AP3B1: variants seen among roughly 807,000 people sequenced by gnomAD.
The protein encoded by AP3B1 is adaptor related protein complex 3 subunit beta 1.
A neutral mutation model predicts 132.5 loss-of-function variants in AP3B1; 61 were observed. That is an observed-to-expected ratio of 0.46 (90% CI 0.37 to 0.57). The LOEUF (loss-of-function observed/expected upper bound fraction) is 0.57. Ranked by LOEUF, AP3B1 falls within the 20% of genes least tolerant of loss-of-function variation. AP3B1 has a pLI of 0.00. For synonymous variants in AP3B1, 388 were observed against 438.3 expected (o/e 0.89, Z 1.43); for missense variants, 1,120 against 1,289.4 (o/e 0.87, Z 2.01).
chr5:78,233,948 G>A (rs887071807), intron 3 of AP3B1, among the ~76,000 whole-genome samples: 1 of 151,916 alleles, frequency 6.6e-6, no homozygotes, highest in Non-Finnish European at 1.5e-5. Context: ...AAGAGCATCT[G>A]AAAACCTAGG....
intron 7 of AP3B1, among the ~76,000 whole-genome samples, chr5:78,189,177 T>C (rs992315278): frequency 1.3e-5 from 2 of 152,104 alleles, no homozygotes; most frequent in Non-Finnish European, 2.9e-5. Context: ...ATGGCACACG[T>C]TTACCTATGT....
chr5:78,061,672 C>T (rs530807471), intron 22 of AP3B1, among the ~76,000 whole-genome samples: 10 of 152,338 alleles, frequency 6.6e-5, no homozygotes, highest in South Asian at 2.1e-4. Flanking sequence ...GCACTGTCAG[C>T]GCGCAAGGCT....
chr5:78,294,439 C>T lies in AP3B1; in HGVS notation c.128+13G>A. ...CTCCCTCCCATCCCCGCAACCCAAA[C>T]CTTTCTCCTCACTTCTTCAAATCGC... On this transcript the variant is annotated intron_variant, in intron 1 of 26. Transcript: ENST00000255194. 6.2e-7 allele frequency: 1 copy of T among 1,614,138 alleles called. No individual in the cohort carries two copies. Among genetic ancestry groups the T allele is most frequent in the Non-Finnish European group, 8.5e-7 (1 of 1,180,032 alleles).
intron 7 of AP3B1, among the ~76,000 whole-genome samples, chr5:78,194,527 A>G (rs182269691): frequency 3.3e-5 from 5 of 152,282 alleles, no homozygotes; most frequent in Admixed American, 3.3e-4. Context: ...GCTCCAATAT[A>G]ATACTATTAC....
At chr5:78,240,253 T>C (rs1241136588) in intron 3 of AP3B1, among the ~76,000 whole-genome samples, 2 of 152,222 alleles carry the variant, frequency 1.3e-5, no homozygotes, top group Non-Finnish European at 2.9e-5. Flanking sequence ...AGCTTTAAAC[T>C]GAGAAAAATT....
At chr5:78,129,386 G>T in intron 15 of AP3B1, 79 bp from the exon 16 acceptor site, 1 of 1,225,948 alleles carries the variant, frequency 8.2e-7, no homozygotes, top group Non-Finnish European at 1.2e-6. Context: ...TATTTAAAGA[G>T]GTAATAAAAA....
At chr5:78,280,240 A>G (rs990259594) in intron 1 of AP3B1, among the ~76,000 whole-genome samples, 13 of 152,118 alleles carry the variant, frequency 8.5e-5, no homozygotes, top group African/African-American at 2.9e-4. Context: ...TGATCACTAG[A>G]ATCATAGTAA....
chr5:78,101,599 C>T (rs1165821750), intron 20 of AP3B1, among the ~76,000 whole-genome samples: 4 of 152,026 alleles, frequency 2.6e-5, no homozygotes, highest in Non-Finnish European at 5.9e-5. Context: ...AAAGGACTCA[C>T]TCACTTGATC....
intron 21 of AP3B1, among the ~76,000 whole-genome samples, chr5:78,100,029 C>G (rs1308545956): frequency 6.6e-6 from 1 of 152,160 alleles, no homozygotes; most frequent in Non-Finnish European, 1.5e-5. Context: ...ATCTTAGCAA[C>G]ACTGGATGAT....
chr5:78,091,817 C>T (rs1022770934), intron 21 of AP3B1, among the ~76,000 whole-genome samples: 2 of 152,048 alleles, frequency 1.3e-5, no homozygotes, highest in Non-Finnish European at 2.9e-5. Flanking sequence ...GATGGCAGTA[C>T]AATGCACAGA....
At chr5:78,212,679 T>C (rs781189125) in intron 7 of AP3B1, among the ~76,000 whole-genome samples, 7 of 152,070 alleles carry the variant, frequency 4.6e-5, no homozygotes, top group African/African-American at 7.2e-5. Context: ...AAAAGAGAGG[T>C]AAACTCTCAG....
intron 22 of AP3B1, among the ~76,000 whole-genome samples, chr5:78,080,888 C>T (rs1749970482): frequency 6.6e-6 from 1 of 152,074 alleles, no homozygotes; most frequent in South Asian, 2.1e-4. Flanking sequence ...TGAAAACCAG[C>T]TAAACAATGG....
At chr5:78,083,010 T>C (rs990236535) in intron 22 of AP3B1, among the ~76,000 whole-genome samples, 2 of 151,896 alleles carry the variant, frequency 1.3e-5, no homozygotes, top group African/African-American at 4.8e-5. Context: ...AGAAACGGGG[T>C]TTCACCATGT....
chr5:78,200,499 A>G (rs555782154), intron 7 of AP3B1, among the ~76,000 whole-genome samples: 1 of 152,136 alleles, frequency 6.6e-6, no homozygotes, highest in South Asian at 2.1e-4. Flanking sequence ...CTCTACTAAA[A>G]AGACAAAAAA....
chr5:78,145,773 C>A (rs1342411371), intron 14 of AP3B1, among the ~76,000 whole-genome samples: 1 of 152,160 alleles, frequency 6.6e-6, no homozygotes, highest in African/African-American at 2.4e-5. Flanking sequence ...TTCCCACACC[C>A]GTGTATAGTG....
At chr5:78,032,894 AG>A (rs1747640634) in intron 24 of AP3B1, among the ~76,000 whole-genome samples, 1 of 152,094 alleles carries the variant, frequency 6.6e-6, no homozygotes, top group East Asian at 1.9e-4. Flanking sequence ...CCTTGGCATA[AG>A]ATAAAAATCA....
At chr5:78,070,024 T>G (rs1000757548) in intron 22 of AP3B1, among the ~76,000 whole-genome samples, 1 of 152,088 alleles carries the variant, frequency 6.6e-6, no homozygotes, top group African/African-American at 2.4e-5. Context: ...TAATAAAAGG[T>G]GCTGGGAAAA....
intron 22 of AP3B1, among the ~76,000 whole-genome samples, chr5:78,083,106 C>A (rs549642708): frequency 6.6e-6 from 1 of 152,114 alleles, no homozygotes; most frequent in Non-Finnish European, 1.5e-5. Flanking sequence ...TGTGAGCCAC[C>A]GCGCCCGGCC....
intron 14 of AP3B1, among the ~76,000 whole-genome samples, chr5:78,153,782 C>T (rs1743000769): frequency 6.6e-6 from 1 of 151,930 alleles, no homozygotes; most frequent in African/African-American, 2.4e-5. Flanking sequence ...TAATATAATC[C>T]ATTATTTTAA....
Sources: gnomAD v4.1 joint callset for allele counts (sites outside exome capture counted in the v4.1 genomes callset) on GRCh38, gnomAD v4.1.1 for gene constraint, MANE v1.5 for transcripts, NCBI Gene and HGNC (gene_info 2026-07-23, HGNC 2026-07-21) for gene names.